MEGF6: variants seen among roughly 807,000 people sequenced by gnomAD.
MEGF6 encodes multiple EGF like domains 6.
Under a neutral mutation model 207.1 loss-of-function variants are expected in MEGF6, and 184 were observed. The ratio of observed to expected loss-of-function variants is 0.89; its 90% CI spans 0.79 to 1.00. The LOEUF (loss-of-function observed/expected upper bound fraction) is 1.00. MEGF6 is among the 50% of genes least tolerant of loss of function. The pLI is 0.00. For missense variants in MEGF6, 2,282 were observed against 2,202.9 expected (o/e 1.04, Z -0.72); for synonymous variants, 1,038 against 910.0 (o/e 1.14, Z -2.53).
chr1:3,493,468 C>G, intron 34 of MEGF6: 1 of 469,014 alleles, frequency 2.1e-6, no homozygotes, highest in South Asian at 2.8e-5. Flanking sequence ...CAGTCCACAG[C>G]TGGCAGATCA....
intron 24 of MEGF6, 108 bp from the exon 25 acceptor site, chr1:3,498,934 G>A (rs1027890731): frequency 4.8e-6 from 7 of 1,464,976 alleles, no homozygotes; most frequent in Admixed American, 2.0e-5. Context: ...GCACCTTGCA[G>A]GGGGCTGCCC....
At chr1:3,608,237 G>A (rs905058418) in intron 1 of MEGF6, among the ~76,000 whole-genome samples, 2 of 152,248 alleles carry the variant, frequency 1.3e-5, no homozygotes, top group South Asian at 2.1e-4. Flanking sequence ...GGGCCCCTCG[G>A]ACTCTCAGGT....
rs1393754099 is a variant in MEGF6 at position 3,497,280 on chromosome 1, C to G, written c.3434G>C (p.Gly1145Ala). 1.0e-5 allele frequency: 16 copies of G among 1,551,080 alleles called. No homozygotes were observed. The highest frequency in any genetic ancestry group is 1.4e-5 in the Non-Finnish European group (16 of 1,151,048). ...PPGAACHHVT[G>A]ACRCPPGFTG... ...GAAGCCAGGGGGACAGCGGCAGGCC[C>G]CAGTGACGTGGTGGCAGGCAGCGCC... The change falls in exon 27 of 37, where the codon GGG (glycine) becomes GCG (alanine). Residue 1145 changes from glycine (G) to alanine (A), a missense_variant. By Grantham distance (60) the Gly-to-Ala change is moderately conservative (BLOSUM62 0). Transcript: ENST00000356575.
chr1:3,523,550 C>T (rs71634337), intron 5 of MEGF6, among the ~76,000 whole-genome samples: 15,454 of 152,212 alleles, frequency 0.1, 1,089 homozygotes, highest in Middle Eastern at 0.15. Flanking sequence ...GTCACCCCTA[C>T]CCTACCTGCC....
chr1:3,524,767 A>T (rs923344667), intron 4 of MEGF6, among the ~76,000 whole-genome samples: 7 of 152,164 alleles, frequency 4.6e-5, no homozygotes, highest in Non-Finnish European at 8.8e-5. Context: ...CCTTGTCTGG[A>T]AACAGGGTCT....
chr1:3,569,354 C>T (rs562230560), intron 4 of MEGF6, among the ~76,000 whole-genome samples: 21 of 152,364 alleles, frequency 1.4e-4, no homozygotes, highest in African/African-American at 2.4e-5. Flanking sequence ...AAGGCCAATA[C>T]CAAGTCCATC....
At chr1:3,492,846 C>T in intron 34 of MEGF6, 79 bp from the exon 35 acceptor site, 1 of 1,542,466 alleles carries the variant, frequency 6.5e-7, no homozygotes. Context: ...GGCCTAGGGG[C>T]CCGCGGCAGA....
intron 4 of MEGF6, among the ~76,000 whole-genome samples, chr1:3,578,661 G>A (rs115154972): frequency 0.012 from 1,854 of 151,878 alleles, 21 homozygotes; most frequent in South Asian, 0.095. Flanking sequence ...GGCAGGGGCC[G>A]TCCCAGCTAA....
rs996530268 is a variant in MEGF6, at chr1:3,489,675, C to T, written c.*853G>A. Among the ~76,000 whole-genome samples, 1 of 152,214 alleles carries T rather than the reference C, an allele frequency of 6.6e-6. No homozygotes were observed. Among genetic ancestry groups the T allele is most frequent in the African/African-American group, 2.4e-5 (1 of 41,452 alleles). ...GCCCCTCCACACCAGCCCTCCTCCC[C>T]CTGGGCCATTCTCTGGGAACAGCCA... On this transcript the variant is annotated 3_prime_UTR_variant, in exon 37 of 37. Coordinates refer to ENST00000356575, the MANE Select transcript of MEGF6 (RefSeq NM_001409.4).
intron 29 of MEGF6, 21 bp from the exon 30 acceptor site, chr1:3,496,039 A>T: frequency 6.7e-7 from 1 of 1,496,430 alleles, no homozygotes; most frequent in Non-Finnish European, 8.9e-7. Context: ...GGAAGTGGTG[A>T]TCGTGGCTGG....
chr1:3,538,859 C>T, intron 4 of MEGF6, among the ~76,000 whole-genome samples: 1 of 152,186 alleles, frequency 6.6e-6, no homozygotes. Context: ...ATGTAGCCCC[C>T]AGGCAAGGCC....
At chr1:3,513,897 C>A (rs1366423636) in intron 7 of MEGF6, among the ~76,000 whole-genome samples, 2 of 151,306 alleles carry the variant, frequency 1.3e-5, no homozygotes, top group Middle Eastern at 3.4e-3. Context: ...TGGCTCATTT[C>A]TCCTTTTCTC....
intron 7 of MEGF6, among the ~76,000 whole-genome samples, chr1:3,513,497 T>C (rs954731002): frequency 2.6e-5 from 4 of 151,744 alleles, no homozygotes; most frequent in Non-Finnish European, 5.9e-5. Flanking sequence ...AGGCTGGTCT[T>C]GAACTCCTAA....
intron 5 of MEGF6, among the ~76,000 whole-genome samples, chr1:3,520,256 T>C (rs1641694395): frequency 6.6e-6 from 1 of 152,018 alleles, no homozygotes. Context: ...GCCTCCGGGG[T>C]CATGCGCGGG....
At chr1:3,504,765 G>C (rs76199536) in intron 17 of MEGF6, among the ~76,000 whole-genome samples, 4,545 of 152,198 alleles carry the variant, frequency 0.03, 204 homozygotes, top group African/African-American at 0.1. Context: ...CTGCAGCCAC[G>C]ACCCCAGGCC....
At chr1:3,499,566 G>A in intron 23 of MEGF6, 22 bp downstream of exon 23, 2 of 1,564,252 alleles carry the variant, frequency 1.3e-6, no homozygotes, top group East Asian at 2.3e-5. Flanking sequence ...AGCACCCCGG[G>A]CTGAGCAGGG....
At chr1:3,524,986 C>T (rs948241163) in intron 4 of MEGF6, among the ~76,000 whole-genome samples, 8 of 152,144 alleles carry the variant, frequency 5.3e-5, no homozygotes, top group Admixed American at 3.9e-4. Context: ...CGTGGCCCCG[C>T]GGACACCTTG....
chr1:3,575,315 T>C (rs1643611336), intron 4 of MEGF6, among the ~76,000 whole-genome samples: 1 of 152,166 alleles, frequency 6.6e-6, no homozygotes, highest in Non-Finnish European at 1.5e-5. Flanking sequence ...ACTGATACTC[T>C]GATGGGACCC....
At position 3,508,611 on chromosome 1, in the gene MEGF6, C is replaced by T. The variant is rs987514351; in HGVS notation, c.1607G>A (p.Gly536Asp). Residue 536 changes from glycine (G) to aspartate (D), a missense_variant, in exon 13 of 37, where the codon GGC becomes GAC. Physicochemically the swap from Gly to Asp is moderately conservative, Grantham distance 94 (BLOSUM62 -1). Transcript: ENST00000356575. The stretch of plus-strand genomic sequence containing the variant: ...CTCGGGGCAATCACAGCCATCCAGG[C>T]CCAGGAGGCAGGTCCCTCCGTTCCT... ...DCRNGGTCLLGLDGCDCPEGW... is the reference protein window; with the variant it reads ...DCRNGGTCLLDLDGCDCPEGW... 8 of 1,613,536 alleles carry T rather than the reference C, an allele frequency of 5.0e-6. No individual in the cohort carries two copies. Among genetic ancestry groups the T allele is most frequent in the Non-Finnish European group, 6.8e-6 (8 of 1,179,960 alleles).
Sources: gnomAD v4.1 joint callset for allele counts (sites outside exome capture counted in the v4.1 genomes callset) on GRCh38, gnomAD v4.1.1 for gene constraint, MANE v1.5 for transcripts, NCBI Gene and HGNC (gene_info 2026-07-23, HGNC 2026-07-21) for gene names.